The following GSG1L variants were observed in gnomAD, a reference collection of about 807,000 sequenced individuals.
GSG1L encodes the protein GSG1 like, also known as germ cell-specific gene 1-like protein.
In GSG1L, 24 loss-of-function variants were observed where a neutral mutation model predicts 42.1. That is an observed-to-expected ratio of 0.57 (90% CI 0.41 to 0.80). The LOEUF is 0.80. GSG1L is among the 30% of genes least tolerant of loss of function. The pLI is 0.00. For missense variants in GSG1L, 445 were observed against 472.2 expected, an observed-to-expected ratio of 0.94 and a Z score of 0.53; for synonymous variants, 215 against 203.5, an observed-to-expected ratio of 1.06 and a Z score of -0.48.
At chr16:27,909,817 T>C (rs555924740) in intron 2 of GSG1L, among the ~76,000 whole-genome samples, 1 of 151,900 alleles carries the variant, frequency 6.6e-6, no homozygotes, top group South Asian at 2.1e-4. Context: ...TGCACCTAGA[T>C]CTTTATAAGC....
At chr16:27,875,139 G>A (rs2083871463) in intron 3 of GSG1L, among the ~76,000 whole-genome samples, 1 of 152,202 alleles carries the variant, frequency 6.6e-6, no homozygotes, top group Admixed American at 6.5e-5. Flanking sequence ...ACATGTTGGT[G>A]ACTTCTTTCC....
chr16:28,054,787 C>A (rs1377290916), intron 1 of GSG1L, among the ~76,000 whole-genome samples: 1 of 151,948 alleles, frequency 6.6e-6, no homozygotes, highest in East Asian at 1.9e-4. Flanking sequence ...ACCCACCCCT[C>A]GAAAGTGTTT....
chr16:27,994,295 C>T (rs2085489815), intron 1 of GSG1L, among the ~76,000 whole-genome samples: 1 of 151,538 alleles, frequency 6.6e-6, no homozygotes, highest in South Asian at 2.1e-4. Flanking sequence ...TCTCAGGTCC[C>T]TTGGGGGGGT....
chr16:27,968,165 T>C (rs1301388759), intron 1 of GSG1L, among the ~76,000 whole-genome samples: 1 of 152,164 alleles, frequency 6.6e-6, no homozygotes, highest in Non-Finnish European at 1.5e-5. Context: ...AAAAGATGAA[T>C]ATATTAAGTA....
At chr16:27,797,017 A>G (rs147721335) in intron 6 of GSG1L, among the ~76,000 whole-genome samples, 120 of 152,298 alleles carry the variant, frequency 7.9e-4, no homozygotes, top group Admixed American at 1.3e-3. Flanking sequence ...GAACCATTCA[A>G]TGTGCTTCCT....
At chr16:27,828,993 G>T in intron 4 of GSG1L, 37 bp from the exon 5 acceptor site, 1 of 1,603,326 alleles carries the variant, frequency 6.2e-7, no homozygotes, top group Non-Finnish European at 8.5e-7. Context: ...CATCGTGAGG[G>T]TGGGCAAGGG....
chr16:28,029,103 G>T (rs753084290), intron 1 of GSG1L, among the ~76,000 whole-genome samples: 5 of 152,164 alleles, frequency 3.3e-5, no homozygotes, highest in Admixed American at 6.5e-5. Flanking sequence ...TCTCCACTGT[G>T]GTCAAGGTAA....
chr16:28,052,711 C>G (rs1431596935), intron 1 of GSG1L, among the ~76,000 whole-genome samples: 1 of 152,240 alleles, frequency 6.6e-6, no homozygotes, highest in Non-Finnish European at 1.5e-5. Flanking sequence ...TTGTCTGCAA[C>G]CTCCCACATC....
At chr16:28,046,685 C>T (rs2086164139) in intron 1 of GSG1L, among the ~76,000 whole-genome samples, 1 of 152,110 alleles carries the variant, frequency 6.6e-6, no homozygotes, top group South Asian at 2.1e-4. Flanking sequence ...GTCTCTGCTT[C>T]CACTCCCGCA....
At chr16:27,797,821 C>CAAAAA (rs59207468) in intron 6 of GSG1L, among the ~76,000 whole-genome samples, 1 of 77,186 alleles carries the variant, frequency 1.3e-5, no homozygotes, top group Non-Finnish European at 2.4e-5. Flanking sequence ...GACTCCATCT[C>CAAAAA]AAAAAAAAAA....
At chr16:28,048,435 G>A (rs1218081969) in intron 1 of GSG1L, among the ~76,000 whole-genome samples, 3 of 152,012 alleles carry the variant, frequency 2.0e-5, no homozygotes, top group Non-Finnish European at 4.4e-5. Context: ...AAGGCACTGG[G>A]ATTTTTTTAA....
At chr16:27,826,616 T>C (rs2083212186) in intron 5 of GSG1L, among the ~76,000 whole-genome samples, 1 of 152,112 alleles carries the variant, frequency 6.6e-6, no homozygotes, top group African/African-American at 2.4e-5. Context: ...TAAAGGCTGA[T>C]CCCTGCTAAG....
intron 3 of GSG1L, among the ~76,000 whole-genome samples, chr16:27,872,319 G>A (rs751737): frequency 0.023 from 3,539 of 152,320 alleles, 132 homozygotes; most frequent in African/African-American, 0.079. Context: ...AGAAGGGGCC[G>A]TATGGACATG....
intron 3 of GSG1L, among the ~76,000 whole-genome samples, chr16:27,857,896 AG>A (rs10719195): frequency 0.25 from 37,463 of 151,528 alleles, 4,794 homozygotes; most frequent in Non-Finnish European, 0.28. Context: ...TTGCTCTCGG[AG>A]GGCCCTGATC....
intron 1 of GSG1L, among the ~76,000 whole-genome samples, chr16:28,018,115 G>A (rs188865779): frequency 1.8e-4 from 28 of 152,206 alleles, no homozygotes; most frequent in East Asian, 7.7e-4. Context: ...AGCCTTTATC[G>A]GTATTTAAGG....
At chr16:27,986,621 C>T (rs969833222) in intron 1 of GSG1L, among the ~76,000 whole-genome samples, 1 of 152,112 alleles carries the variant, frequency 6.6e-6, no homozygotes, top group African/African-American at 2.4e-5. Context: ...AAGTGACTTA[C>T]TGGTGCGGGG....
chr16:28,004,805 GA>G lies in GSG1L; in HGVS notation c.350-41603del, dbSNP rs111793846. Among the ~76,000 whole-genome samples the G allele has an allele frequency of 3.4e-4, 52 of 150,792 alleles. 1 individual carries two copies. In the East Asian group the frequency reaches 8.6e-3, roughly 25 times the overall value. On this transcript the variant is annotated intron_variant, in intron 1 of 6. Coordinates refer to ENST00000447459, the MANE Select transcript of GSG1L (RefSeq NM_001109763.2). ...AATAAATAAACAAATAAAAGATAGAGAAAAAAAAATCAGAACAGAGTAAATC... is the reference window on the plus strand; with the variant it reads ...AATAAATAAACAAATAAAAGATAGAGAAAAAAAATCAGAACAGAGTAAATC...
intron 2 of GSG1L, among the ~76,000 whole-genome samples, chr16:27,949,779 G>T (rs1370957942): frequency 6.6e-6 from 1 of 151,960 alleles, no homozygotes; most frequent in Non-Finnish European, 1.5e-5. Flanking sequence ...CAAAAAATTA[G>T]CTGGTTGCGG....
intron 2 of GSG1L, among the ~76,000 whole-genome samples, chr16:27,922,865 C>T (rs980022987): frequency 3.9e-5 from 6 of 152,182 alleles, no homozygotes; most frequent in Admixed American, 2.6e-4. Context: ...CTCACTGCAG[C>T]CTCACACGAC....
Sources: allele counts gnomAD v4.1 joint callset (sites outside exome capture counted in the v4.1 genomes callset), GRCh38; gene constraint gnomAD v4.1.1; transcripts MANE v1.5; gene names NCBI Gene and HGNC (gene_info 2026-07-23, HGNC 2026-07-21).